Variants in SLC2A9 observed in about 807,000 individuals in gnomAD.
SLC2A9 encodes solute carrier family 2, facilitated glucose transporter member 9.
A neutral mutation model predicts 50.6 loss-of-function variants in SLC2A9; 39 were observed. The observed-to-expected ratio is 0.77, with a 90% CI of 0.60 to 1.01. SLC2A9 has a LOEUF of 1.01. SLC2A9 is among the 50% of genes least tolerant of loss of function. The pLI is 0.00. For missense variants in SLC2A9, 686 were observed against 677.6 expected (o/e 1.01, Z -0.14); for synonymous variants, 324 against 276.9 (o/e 1.17, Z -1.69).
downstream of SLC2A9, among the ~76,000 whole-genome samples, chr4:9,821,367 A>G (rs181734113): frequency 6.6e-5 from 10 of 152,102 alleles, no homozygotes; most frequent in African/African-American, 2.4e-4. Flanking sequence ...TGAAGCTGGA[A>G]TCCATCAATC....
intron 11 of SLC2A9, among the ~76,000 whole-genome samples, chr4:9,828,443 C>T (rs1725494106): frequency 1.3e-5 from 2 of 152,194 alleles, no homozygotes; most frequent in Admixed American, 1.3e-4. Flanking sequence ...TGCTCAAAAC[C>T]CACCATGACT....
chr4:9,935,826 CA>C (rs1746966738), intron 6 of SLC2A9, among the ~76,000 whole-genome samples: 1 of 152,160 alleles, frequency 6.6e-6, no homozygotes, highest in Non-Finnish European at 1.5e-5. Context: ...TAACAGTTTC[CA>C]TTCCACTCTT....
chr4:10,038,027 G>C (rs535218809), intron 1 of SLC2A9, among the ~76,000 whole-genome samples: 1 of 152,234 alleles, frequency 6.6e-6, no homozygotes, highest in Admixed American at 6.5e-5. Flanking sequence ...TGAGTGAGGT[G>C]AGTCTGGCAG....
At chr4:9,827,533 A>G (rs1371266754) in intron 11 of SLC2A9, among the ~76,000 whole-genome samples, 1 of 152,246 alleles carries the variant, frequency 6.6e-6, no homozygotes, top group Non-Finnish European at 1.5e-5. Flanking sequence ...CTTTGATTTG[A>G]CAAACATTTA....
upstream of SLC2A9, chr4:10,021,624 C>T (rs1289146301): frequency 3.8e-6 from 3 of 795,250 alleles, no homozygotes; most frequent in African/African-American, 1.7e-5. Flanking sequence ...AGCAATGAAA[C>T]AGTCCAAAAA....
At chr4:9,801,811 C>A (rs1455162167) in intron 3 of SLC2A9, among the ~76,000 whole-genome samples, 1 of 151,628 alleles carries the variant, frequency 6.6e-6, no homozygotes, top group East Asian at 1.9e-4. Flanking sequence ...TGCAAAGAAA[C>A]AAGGGGGTTA....
intron 10 of SLC2A9, among the ~76,000 whole-genome samples, chr4:9,860,600 A>G (rs542164368): frequency 5.3e-5 from 8 of 152,368 alleles, no homozygotes; most frequent in Non-Finnish European, 1.5e-5. Context: ...TCGTCCCTTT[A>G]GGAGTGACGT....
rs1386256236 is a variant in SLC2A9 at position 10,019,312 on chromosome 4, C to T, written c.151-239G>A. On this transcript the variant is annotated intron_variant, in intron 1 of 11. Transcript: ENST00000264784. ...TAGCGGCCACGCCCTTGCGTTCCTT[C>T]CGGGTTGCGTGAGGATTCCTGAAAC... is the stretch of plus-strand genomic sequence containing the variant. 1.6e-5 allele frequency: 9 copies of T among 567,828 alleles called. No individual in the cohort carries two copies. The Admixed American group carries it at 2.5e-4, about 15-fold the overall frequency. 35.2% of individuals were successfully genotyped at this position (567,828 alleles called of 1,614,324 possible). A position where few individuals can be genotyped will look rare whatever the true frequency, so the allele number is the denominator to read the frequency against.
chr4:9,870,740 G>A (rs11941148), intron 10 of SLC2A9, among the ~76,000 whole-genome samples: 18,778 of 152,208 alleles, frequency 0.12, 1,374 homozygotes, highest in African/African-American at 0.18. Context: ...AGTTGGGCAG[G>A]CATGCGTTCA....
chr4:9,792,551 T>C (rs1720085963), intron 3 of SLC2A9, among the ~76,000 whole-genome samples: 1 of 152,144 alleles, frequency 6.6e-6, no homozygotes, highest in East Asian at 1.9e-4. Context: ...AGAGTTTGTA[T>C]AGAGTGAGTA....
chr4:9,928,203 G>A (rs1299069012), intron 6 of SLC2A9, among the ~76,000 whole-genome samples: 3 of 152,204 alleles, frequency 2.0e-5, no homozygotes, highest in Non-Finnish European at 2.9e-5. Context: ...AGTGGAACCC[G>A]CTATCTCCAT....
chr4:9,915,761 T>C (rs567956188), intron 7 of SLC2A9, among the ~76,000 whole-genome samples: 26 of 152,334 alleles, frequency 1.7e-4, no homozygotes, highest in East Asian at 1.2e-3. Context: ...CATCAGGACA[T>C]AGCAAACTGC....
chr4:9,902,264 C>T (rs1739774611), intron 8 of SLC2A9, among the ~76,000 whole-genome samples: 1 of 152,206 alleles, frequency 6.6e-6, no homozygotes. Context: ...CTGTCTGTGA[C>T]CCCATGAGGA....
intron 3 of SLC2A9, among the ~76,000 whole-genome samples, chr4:9,792,265 C>A (rs1202657011): frequency 1.5e-5 from 2 of 137,156 alleles, no homozygotes; most frequent in African/African-American, 2.7e-5. Flanking sequence ...CAGCCTTAAA[C>A]TCTTGGGCTC....
chr4:10,036,320 A>C (rs905985822), intron 1 of SLC2A9, among the ~76,000 whole-genome samples: 3 of 151,574 alleles, frequency 2.0e-5, no homozygotes, highest in South Asian at 2.1e-4. Flanking sequence ...GAAATTGACC[A>C]AAAAAAAAGA....
At chr4:9,810,441 T>C (rs545771797) in intron 3 of SLC2A9, among the ~76,000 whole-genome samples, 1 of 152,206 alleles carries the variant, frequency 6.6e-6, no homozygotes, top group South Asian at 2.1e-4. Context: ...CTTTAAGGGA[T>C]GAGATTTTGG....
chr4:9,820,424 A>G (rs567770872), intron 3 of SLC2A9, among the ~76,000 whole-genome samples: 20 of 152,278 alleles, frequency 1.3e-4, no homozygotes, highest in Middle Eastern at 3.4e-3. Flanking sequence ...TGTTTAAAAA[A>G]CTGTTTTGCC....
intron 1 of SLC2A9, among the ~76,000 whole-genome samples, chr4:10,028,443 C>G (rs1171855346): frequency 2.0e-5 from 3 of 152,206 alleles, no homozygotes; most frequent in South Asian, 2.1e-4. Context: ...GGCTGAGGTT[C>G]CAACCCTGGG....
At chr4:9,824,110 TTAA>T (rs751248985), downstream of SLC2A9, among the ~76,000 whole-genome samples, 42 of 152,234 alleles carry the variant, frequency 2.8e-4, no homozygotes, top group East Asian at 7.7e-3. Context: ...AATTAATGGA[TTAA>T]TGAGTGAATG....
Sources: allele counts gnomAD v4.1 joint callset (sites outside exome capture counted in the v4.1 genomes callset), GRCh38; gene constraint gnomAD v4.1.1; transcripts MANE v1.5; gene names NCBI Gene and HGNC (gene_info 2026-07-23, HGNC 2026-07-21).